The following ICE1 variants were observed in gnomAD, a reference collection of about 807,000 sequenced individuals.
The protein encoded by ICE1 is interactor of little elongation complex ELL subunit 1.
Under a neutral mutation model 192.7 loss-of-function variants are expected in ICE1, and 64 were observed. The ratio of observed to expected loss-of-function variants is 0.33; its 90% CI spans 0.27 to 0.41. ICE1 has a LOEUF of 0.41. ICE1 is among the 10% of genes least tolerant of loss of function. ICE1 has a pLI of 1.00. For missense variants in ICE1, 2,708 were observed against 2,696.0 expected, an observed-to-expected ratio of 1.00 and a Z score of -0.10; for synonymous variants, 1,010 against 984.5, an observed-to-expected ratio of 1.03 and a Z score of -0.49.
At chr5:5,447,589 G>C in intron 8 of ICE1, 80 bp downstream of exon 8, 1 of 1,368,448 alleles carries the variant, frequency 7.3e-7, no homozygotes, top group Admixed American at 2.1e-5. Flanking sequence ...TGTAACTCAC[G>C]TAGGAGTCAA....
chr5:5,468,776 T>A lies in ICE1; in HGVS notation c.6062-52T>A, dbSNP rs1739068591. 7.9e-6 allele frequency: 9 copies of A among 1,133,926 alleles called. No individual in the cohort carries two copies. In the South Asian group the frequency reaches 1.8e-4, roughly 23 times the overall value. The allele number at this position is 1,133,926 out of a possible 1,614,324, so 70.2% of individuals were successfully genotyped here. ...TACAATTTGTTCTTAATTTGCAATTTATTTACTCGATCATACATCAAAGAG... is the reference window on the plus strand; with the variant it reads ...TACAATTTGTTCTTAATTTGCAATTAATTTACTCGATCATACATCAAAGAG... On this transcript the variant is annotated intron_variant, in intron 14 of 18. Coordinates refer to ENST00000296564, the MANE Select transcript of ICE1 (RefSeq NM_015325.3).
rs1738611078 is a variant in ICE1 at position 5,457,190 on chromosome 5, T to A, written c.692-142T>A. 3 of 712,194 alleles carry A rather than the reference T, an allele frequency of 4.2e-6. No individual in the cohort carries two copies. The East Asian group carries it at 8.4e-5, about 20-fold the overall frequency. 44.1% of individuals were successfully genotyped at this position (712,194 alleles called of 1,614,324 possible). On this transcript the variant is annotated intron_variant, in intron 11 of 18. Coordinates refer to ENST00000296564, the MANE Select transcript of ICE1 (RefSeq NM_015325.3). ...TTCTAGGATAATGTTTAGAAAGCGA[T>A]TGGTTGCCTTTTAAAAAATTACTTG...
rs750788797 is a variant in ICE1 at position 5,447,878 on chromosome 5, A to G, written c.585A>G (p.Ser195=). 9.5e-6 allele frequency: 15 copies of G among 1,573,436 alleles called. No individual in the cohort carries two copies. The highest frequency in any genetic ancestry group is 9.2e-5 in the Admixed American group (5 of 54,394). ...TTGGAACACAAATTTCAAGTGATTC[A>G]TATGGAAGCATAGATAAAAGTGAGT... ...RHIGTQISSD[S]YGSIDKRKVK... is the part of the protein sequence containing the mutation. The change falls in exon 10 of 19, where the codon TCA becomes TCG. Residue 195 remains serine, a synonymous_variant. Transcript: ENST00000296564.
At chr5:5,473,442 C>T in intron 15 of ICE1, 116 bp from the exon 16 acceptor site, 1 of 867,444 alleles carries the variant, frequency 1.2e-6, no homozygotes, top group Non-Finnish European at 1.7e-6. Flanking sequence ...TTTTAAAAAG[C>T]TATTTCAGAT....
intron 15 of ICE1, among the ~76,000 whole-genome samples, 180 bp downstream of exon 15, chr5:5,469,168 A>T (rs1160671683): frequency 1.3e-5 from 2 of 152,268 alleles, no homozygotes; most frequent in Admixed American, 6.5e-5. Context: ...TGCATGAGAC[A>T]TTCAAGGAAG....
chr5:5,469,588 A>C (rs1202388008), intron 15 of ICE1, among the ~76,000 whole-genome samples: 3 of 152,050 alleles, frequency 2.0e-5, no homozygotes, highest in Non-Finnish European at 1.5e-5. Context: ...AGTGATATTG[A>C]TTTTTTAATT....
intron 5 of ICE1, among the ~76,000 whole-genome samples, chr5:5,441,706 A>G (rs1367592750): frequency 6.6e-6 from 1 of 152,166 alleles, no homozygotes; most frequent in African/African-American, 2.4e-5. Flanking sequence ...ATGAGTTAAG[A>G]TGTCCTTTAA....
In ICE1 at chr5:5,463,385, G is replaced by C. The variant is rs760491366; in HGVS notation, c.4051G>C (p.Asp1351His). The change falls in exon 13 of 19, where the codon GAT (aspartate) becomes CAT (histidine). Residue 1351 changes from aspartate to histidine, a missense_variant. Asp to His is a moderately conservative substitution (Grantham distance 81). This residue lies in a region of ICE1 where 2,366 missense variants were observed against 2,276.6 expected (regional missense o/e 1.04). Transcript: ENST00000296564. The part of the protein sequence containing the change: ...NPQSRPEARS[D>H]AGRQTDGGEE... The stretch of plus-strand genomic sequence containing the variant: ...TCAGAGCAGACCAGAGGCCCGTTCA[G>C]ATGCAGGCAGGCAAACCGATGGTGG... 14 of 1,613,854 alleles carry C rather than the reference G, an allele frequency of 8.7e-6. No homozygotes were observed. The South Asian group carries it at 1.5e-4, about 18-fold the overall frequency.
chr5:5,463,386 A>G lies in ICE1; in HGVS notation c.4052A>G (p.Asp1351Gly), dbSNP rs1232148710. The G allele has an allele frequency of 4.3e-6, 7 of 1,613,898 alleles. No individual in the cohort carries two copies. In the East Asian group the frequency reaches 1.6e-4, roughly 36 times the overall value. ...CAGAGCAGACCAGAGGCCCGTTCAG[A>G]TGCAGGCAGGCAAACCGATGGTGGG... is the stretch of plus-strand genomic sequence containing the variant. ...NPQSRPEARS[D>G]AGRQTDGGEE... The change falls in exon 13 of 19, where the codon GAT becomes GGT. Residue 1351 changes from aspartate to glycine, a missense_variant. This residue lies in a region of ICE1 where 2,366 missense variants were observed against 2,276.6 expected (regional missense o/e 1.04). Coordinates refer to ENST00000296564, the MANE Select transcript of ICE1 (RefSeq NM_015325.3).
intron 13 of ICE1, 63 bp from the exon 14 acceptor site, chr5:5,466,271 T>A: frequency 7.1e-7 from 1 of 1,415,278 alleles, no homozygotes; most frequent in African/African-American, 1.5e-5. Flanking sequence ...TTTTAGATAA[T>A]CTTTGGTAGG....
rs1738838457 is a variant in ICE1, at chr5:5,462,786, A to G, written c.3452A>G (p.Tyr1151Cys). The G allele has an allele frequency of 6.2e-7, 1 of 1,613,506 alleles. No individual in the cohort carries two copies. Among genetic ancestry groups the G allele is most frequent in the East Asian group, 2.2e-5 (1 of 44,860 alleles). The change falls in exon 13 of 19, where the codon TAT (tyrosine) becomes TGT (cysteine). Residue 1151 changes from tyrosine (Y) to cysteine (C), a missense_variant. This residue lies in a region of ICE1 where 2,366 missense variants were observed against 2,276.6 expected (regional missense o/e 1.04). Coordinates refer to ENST00000296564, the MANE Select transcript of ICE1 (RefSeq NM_015325.3). The stretch of plus-strand genomic sequence containing the variant: ...GTGAGACCTTCCTTAGAGGTAGGTT[A>G]TTTGACGTCAGCTCTGCAAGATTTT... Reference protein sequence around the residue: ...AEVRPSLEVGYLTSALQDFNI... With the variant: ...AEVRPSLEVGCLTSALQDFNI...
intron 15 of ICE1, among the ~76,000 whole-genome samples, chr5:5,470,593 G>GTACA (rs1439041865): frequency 1.3e-5 from 2 of 152,078 alleles, no homozygotes; most frequent in Non-Finnish European, 2.9e-5. Context: ...TGAGGACATA[G>GTACA]TACAGTTCAT....
chr5:5,444,034 G>T (rs978925015), intron 6 of ICE1, among the ~76,000 whole-genome samples: 1 of 152,122 alleles, frequency 6.6e-6, no homozygotes, highest in African/African-American at 2.4e-5. Flanking sequence ...GTTCAGGAAG[G>T]GTCCCAGATG....
intron 3 of ICE1, among the ~76,000 whole-genome samples, chr5:5,438,473 C>A (rs1007655989): frequency 2.6e-5 from 4 of 152,162 alleles, no homozygotes; most frequent in Admixed American, 6.5e-5. Context: ...TTCTTATGTG[C>A]CTCATCTGTT....
intron 12 of ICE1, 29 bp from the exon 13 acceptor site, chr5:5,460,407 T>A: frequency 7.7e-7 from 1 of 1,302,558 alleles, no homozygotes; most frequent in African/African-American, 1.5e-5. Flanking sequence ...TGAATTAGTG[T>A]TTGACAAGTG....
In ICE1 at chr5:5,457,688, C is replaced by T; in HGVS notation, c.1048C>T (p.Pro350Ser). 1 of 1,613,874 alleles carries T rather than the reference C, an allele frequency of 6.2e-7. No individual in the cohort carries two copies. Among genetic ancestry groups the T allele is most frequent in the South Asian group, 1.1e-5 (1 of 91,058 alleles). ...PPPLLSPVPSPPPMSSPHPGS... is the reference protein window; with the variant it reads ...PPPLLSPVPSSPPMSSPHPGS... The stretch of plus-strand genomic sequence containing the variant: ...TCCTCTTCTGTCACCAGTGCCCTCG[C>T]CCCCTCCGATGTCATCACCTCACCC... The change falls in exon 12 of 19, where the codon CCC becomes TCC. Residue 350 changes from proline to serine, a missense_variant. Physicochemically the swap from Pro to Ser is moderately conservative, Grantham distance 74 (BLOSUM62 -1). Coordinates refer to ENST00000296564, the MANE Select transcript of ICE1 (RefSeq NM_015325.3).
chr5:5,451,419 A>G (rs1236700993), intron 10 of ICE1, among the ~76,000 whole-genome samples: 5 of 152,194 alleles, frequency 3.3e-5, no homozygotes, highest in African/African-American at 9.6e-5. Flanking sequence ...ATTTAGGACA[A>G]TTAAATCTGA....
rs772239533 is a variant in ICE1, at chr5:5,463,585, C to T, written c.4251C>T (p.Val1417=). The part of the protein sequence containing the change: ...NVLINKDQNL[V]IEKGDNWTII... ...TTATAAATAAGGATCAGAATCTAGTCATTGAAAAGGGGGACAACTGGACAA... is the reference window on the plus strand; with the variant it reads ...TTATAAATAAGGATCAGAATCTAGTTATTGAAAAGGGGGACAACTGGACAA... The change falls in exon 13 of 19, where the codon GTC becomes GTT. Residue 1417 remains valine (V), a synonymous_variant. Transcript: ENST00000296564. 3.7e-6 allele frequency: 6 copies of T among 1,613,956 alleles called. No individual in the cohort carries two copies. In the South Asian group the frequency reaches 6.6e-5, roughly 18 times the overall value.
chr5:5,454,754 A>G, intron 11 of ICE1, 116 bp downstream of exon 11: 2 of 641,908 alleles, frequency 3.1e-6, no homozygotes, highest in Non-Finnish European at 5.4e-6. Context: ...AGAATGAAGT[A>G]AACTAGAATG....
Sources: gnomAD v4.1 joint callset for allele counts (sites outside exome capture counted in the v4.1 genomes callset) on GRCh38, gnomAD v4.1.1 for gene constraint, gnomAD v4.1.1 regional missense constraint, MANE v1.5 for transcripts, NCBI Gene and HGNC (gene_info 2026-07-23, HGNC 2026-07-21) for gene names.